The following MBNL1 variants were observed in gnomAD, a reference collection of about 807,000 sequenced individuals.
MBNL1 encodes the protein muscleblind-like protein 1.
Under a neutral mutation model 42.2 loss-of-function variants are expected in MBNL1, and 8 were observed. The ratio of observed to expected loss-of-function variants is 0.19; its 90% CI spans 0.11 to 0.34. MBNL1 has a LOEUF of 0.34. MBNL1 is among the 10% of genes least tolerant of loss of function. The probability of loss-of-function intolerance (pLI) is 1.00; values close to 1 mark genes in which losing one functional copy is unlikely to be tolerated. For missense variants in MBNL1, 309 were observed against 495.3 expected, an observed-to-expected ratio of 0.62 and a Z score of 3.57; for synonymous variants, 169 against 173.9, an observed-to-expected ratio of 0.97 and a Z score of 0.22.
chr3:152,455,382 A>G (rs537940550), intron 6 of MBNL1, among the ~76,000 whole-genome samples, 160 bp from the exon 7 acceptor site: 11 of 152,312 alleles, frequency 7.2e-5, no homozygotes, highest in South Asian at 6.2e-4. Context: ...TCACTGTGCT[A>G]TTGTATGATT....
intron 2 of MBNL1, among the ~76,000 whole-genome samples, chr3:152,317,409 TC>T (rs1173755691): frequency 6.6e-6 from 1 of 152,124 alleles, no homozygotes; most frequent in African/African-American, 2.4e-5. Context: ...AACTTCCACT[TC>T]CTGGGTTTAA....
At chr3:152,297,820 T>C (rs139328229) in intron 1 of MBNL1, among the ~76,000 whole-genome samples, 6,986 of 152,058 alleles carry the variant, frequency 0.046, 556 homozygotes, top group East Asian at 0.31. Context: ...CACGCCCAGC[T>C]AATTTTTGTA....
intron 2 of MBNL1, among the ~76,000 whole-genome samples, chr3:152,369,470 C>CT (rs954975713): frequency 5.9e-5 from 9 of 151,850 alleles, no homozygotes; most frequent in South Asian, 2.1e-4. Flanking sequence ...CTGAAATTTT[C>CT]TTTTTTTTGT....
At chr3:152,293,446 C>A (rs939124796) in intron 1 of MBNL1, among the ~76,000 whole-genome samples, 1 of 152,172 alleles carries the variant, frequency 6.6e-6, no homozygotes, top group Non-Finnish European at 1.5e-5. Context: ...TTGGGACAAA[C>A]CCTGGGAATA....
intron 2 of MBNL1, among the ~76,000 whole-genome samples, chr3:152,401,647 C>T (rs1377138832): frequency 1.3e-5 from 2 of 152,088 alleles, no homozygotes; most frequent in South Asian, 2.1e-4. Context: ...ACACAGGTCT[C>T]ATTGGTTCCT....
rs1341362972 is a variant in MBNL1, at chr3:152,446,870, G to A, written c.808-750G>A. ...CTTTTTTCTGTTATAGAGTTGTAAA[G>A]TACAATGAAAAAACTGAGTGTGGTT... On this transcript the variant is annotated intron_variant, in intron 5 of 9. Coordinates refer to ENST00000324210, the MANE Select transcript of MBNL1 (RefSeq NM_021038.5). 4.5e-6 allele frequency: 4 copies of A among 879,242 alleles called. No individual in the cohort carries two copies. The East Asian group carries it at 8.4e-5, about 18-fold the overall frequency. The allele number at this position is 879,242 out of a possible 1,614,324, so 54.5% of individuals were successfully genotyped here.
chr3:152,305,423 C>T (rs1331686863), intron 2 of MBNL1, among the ~76,000 whole-genome samples: 1 of 152,130 alleles, frequency 6.6e-6, no homozygotes, highest in East Asian at 1.9e-4. Flanking sequence ...AATGTCTCTG[C>T]CTTCCCACAG....
intron 2 of MBNL1, among the ~76,000 whole-genome samples, chr3:152,254,722 GATA>G (rs1467483522): frequency 1.3e-5 from 2 of 151,982 alleles, no homozygotes; most frequent in African/African-American, 2.4e-5. Flanking sequence ...TAAAACCAAT[GATA>G]ATGATGATAA....
At chr3:152,445,028 A>C (rs2099202660) in intron 4 of MBNL1, among the ~76,000 whole-genome samples, 1 of 152,208 alleles carries the variant, frequency 6.6e-6, no homozygotes, top group African/African-American at 2.4e-5. Flanking sequence ...TAAGTTTATC[A>C]ACACCATTTC....
chr3:152,389,545 C>T (rs2097586579), intron 2 of MBNL1, among the ~76,000 whole-genome samples: 1 of 152,188 alleles, frequency 6.6e-6, no homozygotes, highest in Non-Finnish European at 1.5e-5. Context: ...TAGCCTATTG[C>T]TTCTAGGCTG....
At chr3:152,385,859 A>G (rs2097392588) in intron 2 of MBNL1, among the ~76,000 whole-genome samples, 1 of 152,054 alleles carries the variant, frequency 6.6e-6, no homozygotes, top group Non-Finnish European at 1.5e-5. Flanking sequence ...TAAAACAGTA[A>G]TAAAAGTGAT....
intron 8 of MBNL1, 66 bp from the exon 9 acceptor site, chr3:152,459,205 G>A: frequency 2.5e-6 from 2 of 815,160 alleles, no homozygotes; most frequent in Non-Finnish European, 3.8e-6. Flanking sequence ...ATATTAAAAT[G>A]TTTTCATCTC....
rs1386525727 is a variant in MBNL1 at position 152,464,478 on chromosome 3, A to G, written c.*2112A>G. The G allele has an allele frequency of 6.6e-6, 1 of 152,608 alleles. No individual in the cohort carries two copies. Among genetic ancestry groups the G allele is most frequent in the Non-Finnish European group, 1.5e-5 (1 of 68,006 alleles). The allele number at this position is 152,608 out of a possible 1,614,324, so 9.5% of individuals were successfully genotyped here. ...AAGTTAAGTTGTTGCTATCGCAACA[A>G]TCCTGGCAGACAATTGAGTAATATT... is the stretch of plus-strand genomic sequence containing the variant. On this transcript the variant is annotated 3_prime_UTR_variant, in exon 10 of 10. Coordinates refer to ENST00000324210, the MANE Select transcript of MBNL1 (RefSeq NM_021038.5).
intron 2 of MBNL1, among the ~76,000 whole-genome samples, chr3:152,377,119 A>G (rs933386559): frequency 3.3e-5 from 5 of 152,204 alleles, no homozygotes; most frequent in African/African-American, 1.2e-4. Context: ...TTTCATTGTG[A>G]GTGAGAAGCC....
At chr3:152,317,037 T>C (rs1431649345) in intron 2 of MBNL1, among the ~76,000 whole-genome samples, 2 of 152,140 alleles carry the variant, frequency 1.3e-5, no homozygotes, top group African/African-American at 4.8e-5. Flanking sequence ...TCAAAAAATA[T>C]ATATTTTTCT....
chr3:152,433,096 C>T (rs12635093), intron 4 of MBNL1, among the ~76,000 whole-genome samples, 176 bp downstream of exon 4: 28,928 of 151,984 alleles, frequency 0.19, 3,378 homozygotes, highest in South Asian at 0.28. Flanking sequence ...ATTAATGTAA[C>T]GTTTATAAAG....
chr3:152,452,990 T>C (rs1022014300), intron 6 of MBNL1, among the ~76,000 whole-genome samples: 4 of 152,020 alleles, frequency 2.6e-5, no homozygotes, highest in Non-Finnish European at 5.9e-5. Flanking sequence ...AAAAGATTTG[T>C]CACATTTAGT....
At chr3:152,412,687 A>T (rs1180978164) in intron 2 of MBNL1, among the ~76,000 whole-genome samples, 1 of 152,106 alleles carries the variant, frequency 6.6e-6, no homozygotes, top group African/African-American at 2.4e-5. Flanking sequence ...TCTCTCTGTT[A>T]TTTCAGTCCA....
At chr3:152,376,388 T>G (rs1403542575) in intron 2 of MBNL1, among the ~76,000 whole-genome samples, 1 of 152,202 alleles carries the variant, frequency 6.6e-6, no homozygotes, top group African/African-American at 2.4e-5. Context: ...CTCCATTGTT[T>G]TAATCTTTTG....
Sources: gnomAD v4.1 joint callset for allele counts (sites outside exome capture counted in the v4.1 genomes callset) on GRCh38, gnomAD v4.1.1 for gene constraint, MANE v1.5 for transcripts, NCBI Gene and HGNC (gene_info 2026-07-23, HGNC 2026-07-21) for gene names.